The following PLEKHM2 variants were observed in gnomAD, a reference collection of about 807,000 sequenced individuals.
The protein encoded by PLEKHM2 is pleckstrin homology domain-containing family M member 2.
In PLEKHM2, 77 loss-of-function variants were observed where a neutral mutation model predicts 116.3. That is an observed-to-expected ratio of 0.66 (90% CI 0.55 to 0.80). PLEKHM2 has a LOEUF of 0.80. Among genes scored for constraint, PLEKHM2 ranks in the 30% least tolerant of loss-of-function variants. PLEKHM2 has a pLI of 0.00. For missense variants in PLEKHM2, 1,183 were observed against 1,354.9 expected, an observed-to-expected ratio of 0.87 and a Z score of 1.99; for synonymous variants, 562 against 571.0, an observed-to-expected ratio of 0.98 and a Z score of 0.22.
intron 1 of PLEKHM2, among the ~76,000 whole-genome samples, chr1:15,704,345 T>C (rs1641178857): frequency 7.1e-6 from 1 of 141,186 alleles, no homozygotes; most frequent in African/African-American, 2.5e-5. Context: ...TCTTCCTCTC[T>C]GTTCTTCCAC....
At position 15,728,001 on chromosome 1, in the gene PLEKHM2, C is replaced by CCCT; in HGVS notation, c.1761-77_1761-75dup. ...CCTAGTGGGAGGCGGAGGCACTACCCCCTGGCTCTGGGGTGGGGTGTGGCC... is the reference window on the plus strand; with the variant it reads ...CCTAGTGGGAGGCGGAGGCACTACCCCCTCCTGGCTCTGGGGTGGGGTGTGGCC... On this transcript the variant is annotated intron_variant, in intron 9 of 19. Transcript: ENST00000375799. This position sits in a 1 kb window ranked among gnomAD's most constrained non-coding sequence, Gnocchi z 5.9. 4 of 1,309,936 alleles carry CCCT rather than the reference C, an allele frequency of 3.1e-6. No homozygotes were observed. The highest frequency in any genetic ancestry group is 4.3e-6 in the Non-Finnish European group (4 of 923,552). The allele number at this position is 1,309,936 out of a possible 1,614,324, so 81.1% of individuals were successfully genotyped here.
rs778102165 is a variant in PLEKHM2, at chr1:15,719,936, G to A, written c.652+16G>A. The A allele has an allele frequency of 7.5e-6, 12 of 1,601,916 alleles. No homozygotes were observed. The African/African-American group carries it at 1.5e-4, about 20-fold the overall frequency. On this transcript the variant is annotated intron_variant, in intron 6 of 19. Transcript: ENST00000375799. The surrounding 1 kb of genome is among the most constrained non-coding windows in gnomAD (Gnocchi z 4.1). ...TCTAGTGAGGGTGAGTGGCCCCAGG[G>A]CAGAAAAGCTAAGCCCCTGTTGTGA...
intron 7 of PLEKHM2, among the ~76,000 whole-genome samples, chr1:15,724,664 T>C: frequency 6.6e-6 from 1 of 152,078 alleles, no homozygotes; most frequent in East Asian, 1.9e-4. Flanking sequence ...TGTCATCTTG[T>C]CTCTACTCTG....
At chr1:15,716,874 T>C in intron 3 of PLEKHM2, 58 bp downstream of exon 3, 1 of 1,543,774 alleles carries the variant, frequency 6.5e-7, no homozygotes, top group Non-Finnish European at 8.7e-7. Context: ...GGTGGGTAGC[T>C]TGGGGCTCTG....
chr1:15,694,812 C>A (rs554411918), intron 1 of PLEKHM2, among the ~76,000 whole-genome samples: 1 of 151,382 alleles, frequency 6.6e-6, no homozygotes, highest in Non-Finnish European at 1.5e-5. Flanking sequence ...GGCTGGAGGG[C>A]AGTGGTGTGA....
chr1:15,684,697 G>GGCGACCCTGCTGCCGCAGGGTCTC, intron 1 of PLEKHM2, 79 bp downstream of exon 1: 2 of 795,234 alleles, frequency 2.5e-6, no homozygotes, highest in Non-Finnish European at 3.3e-6. Context: ...CTCCCGGGCC[G>GGCGACCCTGCTGCCGCAGGGTCTC]GGGCCCCCCG....
chr1:15,681,513 C>A (rs747225182), upstream of PLEKHM2: 2 of 464,692 alleles, frequency 4.3e-6, no homozygotes, highest in Non-Finnish European at 4.3e-6. Context: ...CCCAGCAGAA[C>A]GCAGTGCTCA....
upstream of PLEKHM2, among the ~76,000 whole-genome samples, chr1:15,681,974 G>A (rs1000301128): frequency 2.2e-4 from 34 of 151,818 alleles, no homozygotes; most frequent in South Asian, 4.2e-4. Context: ...GGAGGCTGAG[G>A]TAAGAGGATG....
upstream of PLEKHM2, among the ~76,000 whole-genome samples, chr1:15,682,173 G>A (rs1392175754): frequency 6.6e-6 from 1 of 152,090 alleles, no homozygotes; most frequent in African/African-American, 2.4e-5. Context: ...TCCAGCCTGG[G>A]TGACAGAGTG....
chr1:15,732,092 C>T, intron 17 of PLEKHM2, 44 bp downstream of exon 17: 1 of 1,568,462 alleles, frequency 6.4e-7, no homozygotes, highest in Non-Finnish European at 8.7e-7. Flanking sequence ...TTGCCTGACC[C>T]ACCCAGACCC....
Position 15,734,002 on chromosome 1 carries a change from C to T in PLEKHM2, c.*68C>T, listed in dbSNP as rs902881532. The T allele has an allele frequency of 6.0e-5, 92 of 1,521,474 alleles. 1 individual carries two copies. Among genetic ancestry groups the T allele is most frequent in the Middle Eastern group, 1.8e-4 (1 of 5,474 alleles). The allele number at this position is 1,521,474 out of a possible 1,614,324, so 94.2% of individuals were successfully genotyped here. A position where few individuals can be genotyped will look rare whatever the true frequency, so the allele number is the denominator to read the frequency against. On this transcript the variant is annotated 3_prime_UTR_variant, in exon 20 of 20. Transcript: ENST00000375799. ...ACGCCAGCCGGCAGGCACACTGTCA[C>T]GGCTGTTGTCATGCTGTCGGGAGCC...
intron 14 of PLEKHM2, 113 bp downstream of exon 14, chr1:15,730,042 T>C: frequency 4.3e-6 from 1 of 233,906 alleles, no homozygotes; most frequent in South Asian, 4.4e-5. Flanking sequence ...CACAATCGCC[T>C]ACCTGGGCGG....
Position 15,732,355 on chromosome 1 carries a change from C to T in PLEKHM2, c.2631C>T (p.Ile877=), listed in dbSNP as rs2148381210. 4 of 1,551,790 alleles carry T rather than the reference C, an allele frequency of 2.6e-6. No individual in the cohort carries two copies. Among genetic ancestry groups the T allele is most frequent in the East Asian group, 4.9e-5 (2 of 41,162 alleles). The change falls in exon 18 of 20, where the codon ATC becomes ATT. Residue 877 remains isoleucine (I), a synonymous_variant. Transcript: ENST00000375799. ...CTCCCCTGCCCCGCTGCCAGGTCAT[C>T]CCCCAGGGCGTAGCTCCCAGCCCCT... ...HLCQAVSKGV[I]PQGVAPSPCI...
At chr1:15,701,170 T>A (rs6429771) in intron 1 of PLEKHM2, among the ~76,000 whole-genome samples, 7 of 143,936 alleles carry the variant, frequency 4.9e-5, no homozygotes, top group African/African-American at 1.8e-4. Flanking sequence ...GGTGGCTCAC[T>A]CCTGTAATCC....
chr1:15,691,173 G>A (rs559837848), intron 1 of PLEKHM2, among the ~76,000 whole-genome samples: 64 of 152,130 alleles, frequency 4.2e-4, no homozygotes, highest in Non-Finnish European at 7.8e-4. Context: ...GGGATCAAGC[G>A]ATTCTCCCGC....
Position 15,732,547 on chromosome 1 carries a change from GC to G in PLEKHM2, c.2805+19del, listed in dbSNP as rs1224407143. 1 of 1,607,536 alleles carries G rather than the reference GC, an allele frequency of 6.2e-7. No individual in the cohort carries two copies. Among genetic ancestry groups the G allele is most frequent in the East Asian group, 2.2e-5 (1 of 44,740 alleles). ...GCGTCTTGGTGAGCTTTGAGTGGGG[GC>G]GGGGCTGCAAGGCCTGCAGAAGGAA... On this transcript the variant is annotated intron_variant, in intron 18 of 19. Coordinates refer to ENST00000375799, the MANE Select transcript of PLEKHM2 (RefSeq NM_015164.4).
In PLEKHM2 at chr1:15,729,248, G is replaced by T. The variant is rs2068106901; in HGVS notation, c.2075+58G>T. 2 of 1,442,404 alleles carry T rather than the reference G, an allele frequency of 1.4e-6. No individual in the cohort carries two copies. Among genetic ancestry groups the T allele is most frequent in the South Asian group, 2.4e-5 (2 of 83,146 alleles). The allele number at this position is 1,442,404 out of a possible 1,614,324, so 89.4% of individuals were successfully genotyped here. A position where few individuals can be genotyped will look rare whatever the true frequency, so the allele number is the denominator to read the frequency against. On this transcript the variant is annotated intron_variant, in intron 13 of 19. Transcript: ENST00000375799. The surrounding 1 kb of genome is among the most constrained non-coding windows in gnomAD (Gnocchi z 4.7). ...GGAGAGTTCGCAGCCGCCCATAGGT[G>T]TGGGTGGCCTGGGGGTCAGGGGTGG... is the stretch of plus-strand genomic sequence containing the variant.
At chr1:15,689,209 C>T (rs571735384) in intron 1 of PLEKHM2, among the ~76,000 whole-genome samples, 1 of 147,346 alleles carries the variant, frequency 6.8e-6, no homozygotes, top group South Asian at 2.1e-4. Context: ...GGCACCATTG[C>T]ACTCCAGCCT....
chr1:15,733,804 TC>T lies in PLEKHM2; in HGVS notation c.2935del (p.His979ThrfsTer17). On this transcript the variant is annotated frameshift_variant, in exon 20 of 20. Coordinates refer to ENST00000375799, the MANE Select transcript of PLEKHM2 (RefSeq NM_015164.4). LOFTEE classifies it high-confidence loss of function. ...CTGCACGCCCCAACACAGGTGGACC[TC>T]CCCCACACGGCGATCCAGGAAGCCT... ...SGWKTIYQVD[L>X]PHTAIQEASN... 6.2e-7 allele frequency: 1 copy of T among 1,612,566 alleles called. No individual in the cohort carries two copies. The highest frequency in any genetic ancestry group is 8.5e-7 in the Non-Finnish European group (1 of 1,179,648).
Sources: gnomAD v4.1 joint callset for allele counts (sites outside exome capture counted in the v4.1 genomes callset) on GRCh38, gnomAD v4.1.1 for gene constraint, Gnocchi (gnomAD v3.1) non-coding constraint, MANE v1.5 for transcripts, NCBI Gene and HGNC (gene_info 2026-07-23, HGNC 2026-07-21) for gene names.